The following CACNG3 variants were observed in gnomAD, a reference collection of about 807,000 sequenced individuals.
CACNG3 encodes calcium voltage-gated channel auxiliary subunit gamma 3, also known as voltage-dependent calcium channel gamma-3 subunit.
Under a neutral mutation model 28.5 loss-of-function variants are expected in CACNG3, and 3 were observed. That is an observed-to-expected ratio of 0.11 (90% CI 0.05 to 0.27). The LOEUF (loss-of-function observed/expected upper bound fraction) is 0.27. Ranked by LOEUF, CACNG3 falls within the 10% of genes least tolerant of loss-of-function variation. The pLI is 1.00. For missense variants in CACNG3, 236 were observed against 414.4 expected, an observed-to-expected ratio of 0.57 and a Z score of 3.74; for synonymous variants, 174 against 162.2, an observed-to-expected ratio of 1.07 and a Z score of -0.55.
At chr16:24,358,930 G>A (rs11643178) in intron 3 of CACNG3, among the ~76,000 whole-genome samples, 24,587 of 152,078 alleles carry the variant, frequency 0.16, 2,597 homozygotes, top group South Asian at 0.23. Flanking sequence ...TAGGTATGAT[G>A]CATATAAAGA....
intron 2 of CACNG3, among the ~76,000 whole-genome samples, chr16:24,352,092 C>G (rs1485055084): frequency 6.6e-6 from 1 of 152,002 alleles, no homozygotes; most frequent in Admixed American, 6.6e-5. Context: ...AGGTCTCCCT[C>G]TTCATCCCTC....
intron 1 of CACNG3, among the ~76,000 whole-genome samples, chr16:24,311,518 A>G (rs1596637968): frequency 6.6e-6 from 1 of 151,776 alleles, no homozygotes; most frequent in East Asian, 1.9e-4. Context: ...CAAAAAAAAA[A>G]AAAGTGCTAA....
intron 1 of CACNG3, among the ~76,000 whole-genome samples, chr16:24,338,863 G>A (rs974112802): frequency 9.2e-5 from 14 of 152,272 alleles, no homozygotes; most frequent in East Asian, 1.9e-4. Context: ...CCTCCAGACC[G>A]TTAATCCTCT....
intron 2 of CACNG3, among the ~76,000 whole-genome samples, chr16:24,349,922 C>T (rs1478341951): frequency 6.6e-6 from 1 of 152,196 alleles, no homozygotes; most frequent in Non-Finnish European, 1.5e-5. Flanking sequence ...TGACTAGAGA[C>T]TTCCACGACA....
intron 1 of CACNG3, among the ~76,000 whole-genome samples, chr16:24,260,986 G>A (rs1443418929): frequency 2.0e-5 from 3 of 152,198 alleles, no homozygotes; most frequent in Admixed American, 6.5e-5. Flanking sequence ...AATGTATTTA[G>A]ATAGCAGAAA....
intron 1 of CACNG3, among the ~76,000 whole-genome samples, chr16:24,270,578 C>A (rs1055975866): frequency 6.6e-6 from 1 of 152,160 alleles, no homozygotes; most frequent in Non-Finnish European, 1.5e-5. Flanking sequence ...AGCTCCTGAG[C>A]AGTTGGGAGA....
At chr16:24,347,409 G>T (rs530361006) in intron 2 of CACNG3, among the ~76,000 whole-genome samples, 6 of 152,282 alleles carry the variant, frequency 3.9e-5, no homozygotes, top group African/African-American at 1.4e-4. Context: ...CAGGAAGGAA[G>T]ACAGAAAAGT....
intron 1 of CACNG3, among the ~76,000 whole-genome samples, chr16:24,323,954 G>A (rs1899500350): frequency 6.6e-6 from 1 of 152,176 alleles, no homozygotes; most frequent in South Asian, 2.1e-4. Context: ...TTTTAGTTGA[G>A]ATGGGGTTTC....
chr16:24,354,554 G>C (rs1269239762), intron 2 of CACNG3, among the ~76,000 whole-genome samples: 3 of 152,186 alleles, frequency 2.0e-5, no homozygotes, highest in African/African-American at 7.2e-5. Flanking sequence ...AAGCCCCAGT[G>C]CATGTGTCAT....
At chr16:24,264,730 T>A (rs1461008457) in intron 1 of CACNG3, among the ~76,000 whole-genome samples, 1 of 152,174 alleles carries the variant, frequency 6.6e-6, no homozygotes, top group African/African-American at 2.4e-5. Flanking sequence ...GAATTCAACA[T>A]GCAATTTGAA....
At chr16:24,304,804 C>CT (rs752827702) in intron 1 of CACNG3, among the ~76,000 whole-genome samples, 6 of 152,148 alleles carry the variant, frequency 3.9e-5, no homozygotes, top group Non-Finnish European at 7.3e-5. Context: ...TCAAGTGATC[C>CT]TCCCGCCTCA....
intron 1 of CACNG3, among the ~76,000 whole-genome samples, chr16:24,294,786 A>G (rs1455075020): frequency 1.3e-5 from 2 of 152,222 alleles, no homozygotes; most frequent in South Asian, 2.1e-4. Context: ...TGCCTGCCGT[A>G]AGAGTCTTGT....
intron 1 of CACNG3, among the ~76,000 whole-genome samples, chr16:24,306,004 G>A (rs1454434813): frequency 2.6e-5 from 4 of 151,986 alleles, no homozygotes; most frequent in African/African-American, 9.7e-5. Context: ...TTTAAGTGAT[G>A]GTCTCAGAGC....
intron 1 of CACNG3, among the ~76,000 whole-genome samples, chr16:24,260,613 CATT>C (rs1342651158): frequency 9.2e-5 from 14 of 152,320 alleles, no homozygotes; most frequent in Admixed American, 4.6e-4. Flanking sequence ...CTGGTACAAA[CATT>C]AGTTTGTGAA....
In CACNG3 at chr16:24,361,978, A is replaced by G. The variant is rs1381140644; in HGVS notation, c.*115A>G. On this transcript the variant is annotated 3_prime_UTR_variant, in exon 4 of 4. Coordinates refer to ENST00000005284, the MANE Select transcript of CACNG3 (RefSeq NM_006539.4). The surrounding 1 kb of genome is among the most constrained non-coding windows in gnomAD (Gnocchi z 6.8). Reference sequence around the variant, plus strand: ...ATGGTATTACTTTTTACAAAGAATGAAACCAAATGGACTCAGCCCTCTCCC... The same window carrying G: ...ATGGTATTACTTTTTACAAAGAATGGAACCAAATGGACTCAGCCCTCTCCC... The G allele has an allele frequency of 5.5e-6, 6 of 1,083,122 alleles. No homozygotes were observed. Among genetic ancestry groups the G allele is most frequent in the Non-Finnish European group, 7.8e-6 (6 of 770,110 alleles). 67.1% of individuals were successfully genotyped at this position (1,083,122 alleles called of 1,614,324 possible). A position where few individuals can be genotyped will look rare whatever the true frequency, so the allele number is the denominator to read the frequency against.
chr16:24,298,160 A>G (rs1899057637), intron 1 of CACNG3, among the ~76,000 whole-genome samples: 1 of 152,156 alleles, frequency 6.6e-6, no homozygotes. Context: ...AAGTAAGTAT[A>G]TTTACATTTT....
chr16:24,313,364 T>C (rs1011284664), intron 1 of CACNG3, among the ~76,000 whole-genome samples: 1 of 152,218 alleles, frequency 6.6e-6, no homozygotes, highest in Non-Finnish European at 1.5e-5. Flanking sequence ...CTTGAAGTAA[T>C]ACAGTTGGGA....
chr16:24,305,740 C>T lies in CACNG3; in HGVS notation c.212-40994C>T, dbSNP rs904490245. On this transcript the variant is annotated intron_variant, in intron 1 of 3. Coordinates refer to ENST00000005284, the MANE Select transcript of CACNG3 (RefSeq NM_006539.4). ...TAACGGGTTGATAGGTGTAGCAAAC[C>T]ACCATGGCACATGTATACCTATGTA... 3.3e-5 allele frequency among the ~76,000 whole-genome samples: 5 copies of T among 152,198 alleles called. No homozygotes were observed. In the South Asian group the frequency reaches 8.3e-4, roughly 25 times the overall value.
intron 1 of CACNG3, among the ~76,000 whole-genome samples, chr16:24,303,061 T>C (rs1195692511): frequency 6.6e-6 from 1 of 152,124 alleles, no homozygotes; most frequent in Non-Finnish European, 1.5e-5. Flanking sequence ...CCCAAAAGGT[T>C]GGGATAACAG....
Sources: gnomAD v4.1 joint callset for allele counts (sites outside exome capture counted in the v4.1 genomes callset) on GRCh38, gnomAD v4.1.1 for gene constraint, Gnocchi (gnomAD v3.1) non-coding constraint, MANE v1.5 for transcripts, NCBI Gene and HGNC (gene_info 2026-07-23, HGNC 2026-07-21) for gene names.